Variants in ATP5PD observed in about 807,000 individuals in gnomAD.
The protein encoded by ATP5PD is ATP synthase peripheral stalk subunit d, mitochondrial.
A neutral mutation model predicts 22.6 loss-of-function variants in ATP5PD; 13 were observed. The observed-to-expected ratio is 0.58, with a 90% CI of 0.37 to 0.91. The LOEUF (loss-of-function observed/expected upper bound fraction) is 0.91. ATP5PD is among the 40% of genes least tolerant of loss of function. The pLI, the probability that ATP5PD is intolerant of heterozygous loss-of-function variation, is 0.00. For synonymous variants in ATP5PD, 51 were observed against 65.0 expected, an observed-to-expected ratio of 0.79 and a Z score of 1.03; for missense variants, 165 against 188.0, an observed-to-expected ratio of 0.88 and a Z score of 0.72.
intron 1 of ATP5PD, among the ~76,000 whole-genome samples, 197 bp downstream of exon 1, chr17:75,046,727 AC>A (rs2073223295): frequency 6.6e-6 from 1 of 152,026 alleles, no homozygotes; most frequent in Non-Finnish European, 1.5e-5. Flanking sequence ...GGCCCCCCTG[AC>A]CCCGCGCGCC....
chr17:75,042,225 C>T lies in ATP5PD; in HGVS notation c.175G>A (p.Ala59Thr). 6.2e-7 allele frequency: 1 copy of T among 1,614,214 alleles called. No individual in the cohort carries two copies. Residue 59 changes from alanine (A) to threonine (T), a missense_variant, in exon 3 of 6, where the codon GCC becomes ACC. Physicochemically the swap from Ala to Thr is moderately conservative, Grantham distance 58 (BLOSUM62 0). Coordinates refer to ENST00000301587, the MANE Select transcript of ATP5PD (RefSeq NM_006356.3). ...PPAIDWAYYK[A>T]NVAKAGLVDD... is the part of the protein sequence containing the mutation. Reference sequence around the variant, plus strand: ...ACCAAGCCAGCCTTGGCCACATTGGCCTTGTAGTAAGCCCAGTCGATAGCT... The same window carrying T: ...ACCAAGCCAGCCTTGGCCACATTGGTCTTGTAGTAAGCCCAGTCGATAGCT...
Position 75,039,285 on chromosome 17 carries a change from G to C in ATP5PD, c.292-14C>G. 2.5e-6 allele frequency: 4 copies of C among 1,613,488 alleles called. No homozygotes were observed. Among genetic ancestry groups the C allele is most frequent in the Middle Eastern group, 3.3e-4 (2 of 6,060 alleles). On this transcript the variant is annotated splice_polypyrimidine_tract_variant and intron_variant, in intron 4 of 5. Transcript: ENST00000301587. ...ACAAGATTTCACCTTTAAGAAGAAA[G>C]AGAAATTCAGTTCTGAAACCAGGCT...
chr17:75,038,963 T>C lies in ATP5PD; in HGVS notation c.455A>G (p.Tyr152Cys). 6.2e-7 allele frequency: 1 copy of C among 1,614,148 alleles called. No homozygotes were observed. Reference sequence around the variant, plus strand: ...ATTCTCAATTGGTTGGTGAGGCCAATAGGGATACTTTTTCTTGTCTAATTT... The same window carrying C: ...ATTCTCAATTGGTTGGTGAGGCCAACAGGGATACTTTTTCTTGTCTAATTT... ...ETKLDKKKYP[Y>C]WPHQPIENL The change falls in exon 6 of 6, where the codon TAT becomes TGT. Residue 152 changes from tyrosine (Y) to cysteine (C), a missense_variant. Tyr to Cys is a radical substitution (Grantham distance 194, BLOSUM62 -2). Coordinates refer to ENST00000301587, the MANE Select transcript of ATP5PD (RefSeq NM_006356.3).
intron 1 of ATP5PD, among the ~76,000 whole-genome samples, chr17:75,045,054 G>A (rs1217789558): frequency 3.3e-5 from 5 of 152,164 alleles, no homozygotes; most frequent in African/African-American, 9.7e-5. Context: ...TTTCCTAAGC[G>A]TCGACTGGCT....
intron 3 of ATP5PD, chr17:75,041,956 C>A: frequency 2.2e-6 from 1 of 448,898 alleles, no homozygotes; most frequent in Non-Finnish European, 3.9e-6. Context: ...GATCAGAAAG[C>A]CCTCTGGCTC....
chr17:75,041,976 G>A, intron 3 of ATP5PD: 1 of 500,634 alleles, frequency 2.0e-6, no homozygotes. Context: ...CCCAGATTAA[G>A]GCTACACTCT....
Position 75,042,614 on chromosome 17 carries a change from AGTCAATG to A in ATP5PD, c.30_36del (p.Ile11GlyfsTer2). 2.5e-6 allele frequency: 4 copies of A among 1,612,446 alleles called. No homozygotes were observed. The highest frequency in any genetic ancestry group is 3.4e-6 in the Non-Finnish European group (4 of 1,179,566). On this transcript the variant is annotated frameshift_variant, in exon 2 of 6. Coordinates refer to ENST00000301587, the MANE Select transcript of ATP5PD (RefSeq NM_006356.3). LOFTEE classifies it high-confidence loss of function. The stretch of plus-strand genomic sequence containing the variant: ...GGTATGATCTCTGCAAAAGCTACCC[AGTCAATG>A]GTTTTTAGAGCAAGTTTTCGCCCAG...
chr17:75,042,316 A>G, intron 2 of ATP5PD, 39 bp from the exon 3 acceptor site: 1 of 1,600,870 alleles, frequency 6.2e-7, no homozygotes, highest in Middle Eastern at 1.7e-4. Context: ...ATTGTTCATA[A>G]GCAGTAGAAA....
intron 2 of ATP5PD, 76 bp downstream of exon 2, chr17:75,042,453 A>G: frequency 6.4e-7 from 1 of 1,566,696 alleles, no homozygotes; most frequent in Non-Finnish European, 8.7e-7. Flanking sequence ...TCAAGAATTC[A>G]TATGTAATTC....
chr17:75,039,445 A>C (rs1021799647), intron 4 of ATP5PD, 174 bp from the exon 5 acceptor site: 4 of 596,892 alleles, frequency 6.7e-6, no homozygotes, highest in Non-Finnish European at 1.2e-5. Flanking sequence ...TTTTCTTAAC[A>C]CTCACAGAGA....
At chr17:75,039,149 G>A in intron 5 of ATP5PD, 60 bp downstream of exon 5, 9 of 1,611,824 alleles carry the variant, frequency 5.6e-6, no homozygotes, top group South Asian at 1.1e-5. Flanking sequence ...CCAGGTGAAA[G>A]ATGTGTGGTC....
At chr17:75,043,595 G>C (rs1477945141) in intron 1 of ATP5PD, among the ~76,000 whole-genome samples, 1 of 143,234 alleles carries the variant, frequency 7.0e-6, no homozygotes, top group Non-Finnish European at 1.5e-5. Flanking sequence ...CCTGGACACA[G>C]AGTGAGACTC....
At chr17:75,045,768 C>T (rs1488345258) in intron 1 of ATP5PD, among the ~76,000 whole-genome samples, 1 of 152,122 alleles carries the variant, frequency 6.6e-6, no homozygotes, top group Non-Finnish European at 1.5e-5. Context: ...GTAGTTAACA[C>T]AATTATTACA....
At chr17:75,039,788 G>T (rs2144909062) in intron 4 of ATP5PD, 1 of 385,068 alleles carries the variant, frequency 2.6e-6, no homozygotes. Flanking sequence ...TTTTGATATA[G>T]GTATCCACCT....
Position 75,039,277 on chromosome 17 carries a change from A to C in ATP5PD, c.292-6T>G. ...CACTCAGCACAAGATTTCACCTTTA[A>C]GAAGAAAGAGAAATTCAGTTCTGAA... On this transcript the variant is annotated splice_region_variant and splice_polypyrimidine_tract_variant and intron_variant, in intron 4 of 5. Coordinates refer to ENST00000301587, the MANE Select transcript of ATP5PD (RefSeq NM_006356.3). 6.2e-7 allele frequency: 1 copy of C among 1,613,964 alleles called. No homozygotes were observed. The highest frequency in any genetic ancestry group is 1.7e-4 in the Middle Eastern group (1 of 6,060).
At chr17:75,045,928 G>A (rs1489093681) in intron 1 of ATP5PD, among the ~76,000 whole-genome samples, 2 of 152,180 alleles carry the variant, frequency 1.3e-5, no homozygotes, top group East Asian at 1.9e-4. Context: ...GTAAAGACAG[G>A]CATAAGAAAT....
chr17:75,040,131 A>G lies in ATP5PD; in HGVS notation c.252T>C (p.Asp84=), dbSNP rs998460002. 3 of 1,612,676 alleles carry G rather than the reference A, an allele frequency of 1.9e-6. No homozygotes were observed. In the African/African-American group the frequency reaches 4.0e-5, roughly 22 times the overall value. The change falls in exon 4 of 6, where the codon GAT becomes GAC. Residue 84 remains aspartate (D), a synonymous_variant. Coordinates refer to ENST00000301587, the MANE Select transcript of ATP5PD (RefSeq NM_006356.3). ...CGGCATCCACCTGGGCAGTATATTT[A>G]TCCTCTGGCACGGGAACCTTCAGCG... ...FNALKVPVPE[D]KYTAQVDAEE...
intron 1 of ATP5PD, among the ~76,000 whole-genome samples, chr17:75,045,510 C>T (rs1424489711): frequency 6.6e-6 from 1 of 152,204 alleles, no homozygotes; most frequent in African/African-American, 2.4e-5. Flanking sequence ...CCCAGGGGGG[C>T]CAGTTCAGAG....
intron 3 of ATP5PD, 131 bp from the exon 4 acceptor site, chr17:75,040,294 A>G (rs2144909803): frequency 1.9e-6 from 2 of 1,044,382 alleles, no homozygotes; most frequent in African/African-American, 1.6e-5. Context: ...ACTGAAAGAC[A>G]TTCTGTGTCC....
Sources: allele counts gnomAD v4.1 joint callset (sites outside exome capture counted in the v4.1 genomes callset), GRCh38; gene constraint gnomAD v4.1.1; transcripts MANE v1.5; gene names NCBI Gene and HGNC (gene_info 2026-07-23, HGNC 2026-07-21).